The following KCNC2 variants were observed in gnomAD, a reference collection of about 807,000 sequenced individuals.
KCNC2 encodes the protein voltage-gated potassium channel KCNC2.
A neutral mutation model predicts 44.5 loss-of-function variants in KCNC2; 21 were observed. The observed-to-expected ratio is 0.47, with a 90% CI of 0.33 to 0.68. The LOEUF is 0.68. Among genes scored for constraint, KCNC2 ranks in the 30% least tolerant of loss-of-function variants. KCNC2 has a pLI of 0.01. For missense variants in KCNC2, 589 were observed against 826.2 expected, an observed-to-expected ratio of 0.71 and a Z score of 3.52; for synonymous variants, 391 against 339.1, an observed-to-expected ratio of 1.15 and a Z score of -1.68.
chr12:75,107,248 G>T (rs1178935448), intron 2 of KCNC2, among the ~76,000 whole-genome samples: 1 of 152,080 alleles, frequency 6.6e-6, no homozygotes, highest in African/African-American at 2.4e-5. Flanking sequence ...AGGTTGCAGT[G>T]AGCCAAGATC....
intron 2 of KCNC2, among the ~76,000 whole-genome samples, chr12:75,137,494 A>G (rs1289471565): frequency 6.6e-6 from 1 of 152,208 alleles, no homozygotes. Context: ...ATGGACTAAC[A>G]AAGATTTTTT....
intron 2 of KCNC2, among the ~76,000 whole-genome samples, chr12:75,166,065 TA>T (rs1273128051): frequency 3.3e-5 from 5 of 151,290 alleles, no homozygotes; most frequent in African/African-American, 1.2e-4. Context: ...GGAAAAAATA[TA>T]TACCACATAC....
intron 2 of KCNC2, among the ~76,000 whole-genome samples, chr12:75,068,108 C>T (rs1883018769): frequency 6.6e-6 from 1 of 152,244 alleles, no homozygotes; most frequent in Middle Eastern, 3.4e-3. Context: ...CAAATATGCA[C>T]ATCTGGAGGG....
intron 2 of KCNC2, among the ~76,000 whole-genome samples, chr12:75,154,823 G>T (rs1890645530): frequency 6.6e-6 from 1 of 151,924 alleles, no homozygotes; most frequent in Non-Finnish European, 1.5e-5. Flanking sequence ...CATATAAATA[G>T]ATAATATAAA....
chr12:75,139,482 A>G (rs1286579245), intron 2 of KCNC2, among the ~76,000 whole-genome samples: 2 of 152,222 alleles, frequency 1.3e-5, no homozygotes, highest in East Asian at 3.8e-4. Context: ...CCTGAAATGG[A>G]GATCACGTTT....
At chr12:75,148,684 T>G (rs551166415) in intron 2 of KCNC2, among the ~76,000 whole-genome samples, 1 of 152,134 alleles carries the variant, frequency 6.6e-6, no homozygotes, top group Admixed American at 6.6e-5. Context: ...CATAAATCAA[T>G]GCCTATTACT....
At chr12:75,120,664 A>G (rs995768417) in intron 2 of KCNC2, among the ~76,000 whole-genome samples, 3 of 152,150 alleles carry the variant, frequency 2.0e-5, no homozygotes, top group Admixed American at 6.5e-5. Flanking sequence ...AGGCTCTTAC[A>G]AAAGACTCCT....
chr12:75,166,255 A>T (rs1048156925), intron 2 of KCNC2, among the ~76,000 whole-genome samples: 15 of 151,146 alleles, frequency 9.9e-5, no homozygotes, highest in African/African-American at 3.6e-4. Flanking sequence ...TCAATCCATC[A>T]GGAAAATATA....
chr12:75,069,687 A>G (rs1883205077), intron 2 of KCNC2, among the ~76,000 whole-genome samples: 2 of 152,176 alleles, frequency 1.3e-5, no homozygotes, highest in African/African-American at 4.8e-5. Flanking sequence ...GTATATCAAG[A>G]AAAGGAAAGC....
intron 2 of KCNC2, among the ~76,000 whole-genome samples, chr12:75,150,354 C>T (rs1415870844): frequency 6.6e-6 from 1 of 151,846 alleles, no homozygotes; most frequent in African/African-American, 2.4e-5. Flanking sequence ...TATCACACTA[C>T]CATTCCTGTA....
Position 75,207,860 on chromosome 12 carries a change from G to A in KCNC2, c.124C>T (p.Pro42Ser). Residue 42 changes from proline (P) to serine (S), a missense_variant, in exon 2 of 5, where the codon CCC becomes TCC. Pro to Ser is a moderately conservative substitution (Grantham distance 74, BLOSUM62 -1). Transcript: ENST00000549446. This position sits in a 1 kb window ranked among gnomAD's most constrained non-coding sequence, Gnocchi z 4.1. Reference protein sequence around the residue: ...TRLALLASSEPPGDCLTTAGD... With the variant: ...TRLALLASSESPGDCLTTAGD... ...GCCGTGGTCAAGCAGTCGCCTGGGG[G>A]CTCGGAGGAGGCAAGAAGGGCCAGG... 3 of 1,612,056 alleles carry A rather than the reference G, an allele frequency of 1.9e-6. No individual in the cohort carries two copies. The highest frequency in any genetic ancestry group is 8.5e-7 in the Non-Finnish European group (1 of 1,179,774).
intron 2 of KCNC2, among the ~76,000 whole-genome samples, chr12:75,095,883 T>A (rs933580183): frequency 5.9e-5 from 9 of 151,956 alleles, no homozygotes; most frequent in Non-Finnish European, 1.3e-4. Flanking sequence ...TATTCTAATT[T>A]CATTAGAGAA....
intron 2 of KCNC2, among the ~76,000 whole-genome samples, chr12:75,084,264 A>AT (rs58128507): frequency 0.041 from 3,257 of 79,598 alleles, 129 homozygotes; most frequent in African/African-American, 0.12. Context: ...TGATAGATAG[A>AT]TAGATTAGAT....
rs774278663 is a variant in KCNC2 at position 75,050,426 on chromosome 12, C to T, written c.1579G>A (p.Gly527Ser). 1.9e-6 allele frequency: 3 copies of T among 1,612,974 alleles called. No individual in the cohort carries two copies. The East Asian group carries it at 6.7e-5, about 36-fold the overall frequency. ...CNSTQSDTCLGKDNRLLEHNR... is the reference protein window; with the variant it reads ...CNSTQSDTCLSKDNRLLEHNR... Reference sequence around the variant, plus strand: ...TGTTCCAGAAGTCGATTGTCTTTGCCCAGACATGTGTCACTCTGTGTACTA... The same window carrying T: ...TGTTCCAGAAGTCGATTGTCTTTGCTCAGACATGTGTCACTCTGTGTACTA... Residue 527 changes from glycine to serine, a missense_variant, in exon 3 of 5, where the codon GGC becomes AGC. By Grantham distance (56) the Gly-to-Ser change is moderately conservative. This residue lies in a region of KCNC2 where 171 missense variants were observed against 182.4 expected (regional missense o/e 0.94). Coordinates refer to ENST00000549446, the MANE Select transcript of KCNC2 (RefSeq NM_139137.4).
intron 2 of KCNC2, among the ~76,000 whole-genome samples, chr12:75,199,385 A>G (rs577886230): frequency 7.9e-5 from 12 of 151,998 alleles, no homozygotes; most frequent in Admixed American, 1.3e-4. Context: ...TGTTGGTATC[A>G]TGATCAACTT....
rs768873919 is a variant in KCNC2 at position 75,049,544 on chromosome 12, C to T, written c.1615+846G>A. On this transcript the variant is annotated intron_variant, in intron 3 of 4. Coordinates refer to ENST00000549446, the MANE Select transcript of KCNC2 (RefSeq NM_139137.4). ...TGGCAGCTGAATGTCAATTTCTAGT[C>T]GATCAACTCTACATTGTCTATAGCA... 5.4e-4 allele frequency among the ~76,000 whole-genome samples: 82 copies of T among 152,076 alleles called. 1 individual carries two copies. The highest frequency in any genetic ancestry group is 3.1e-3 in the Admixed American group (47 of 15,278).
chr12:75,097,667 A>G (rs1446590408), intron 2 of KCNC2, among the ~76,000 whole-genome samples: 1 of 152,116 alleles, frequency 6.6e-6, no homozygotes, highest in Non-Finnish European at 1.5e-5. Flanking sequence ...TAGTGAAGTG[A>G]TCCTACCTTA....
intron 2 of KCNC2, among the ~76,000 whole-genome samples, chr12:75,109,590 T>C (rs879305946): frequency 4.6e-5 from 7 of 152,282 alleles, no homozygotes; most frequent in Middle Eastern, 3.4e-3. Context: ...GAGAAGTACC[T>C]TTGTGCAGAT....
intron 2 of KCNC2, among the ~76,000 whole-genome samples, chr12:75,114,259 C>CA (rs1474442749): frequency 6.6e-6 from 1 of 152,118 alleles, no homozygotes; most frequent in Non-Finnish European, 1.5e-5. Flanking sequence ...TATCGCTAAA[C>CA]AAAAAATATC....
Sources: allele counts gnomAD v4.1 joint callset (sites outside exome capture counted in the v4.1 genomes callset), GRCh38; gene constraint gnomAD v4.1.1; regional missense constraint gnomAD v4.1.1; non-coding constraint Gnocchi (gnomAD v3.1); transcripts MANE v1.5; gene names NCBI Gene and HGNC (gene_info 2026-07-23, HGNC 2026-07-21).